EYA4: variants seen among roughly 807,000 people sequenced by gnomAD.
EYA4 encodes protein phosphatase EYA4.
In EYA4, 31 loss-of-function variants were observed where a neutral mutation model predicts 87.9. The ratio of observed to expected loss-of-function variants is 0.35; its 90% CI spans 0.27 to 0.48. The LOEUF (loss-of-function observed/expected upper bound fraction) is 0.48. EYA4 is among the 20% of genes least tolerant of loss of function. EYA4 has a pLI of 0.99. For missense variants in EYA4, 678 were observed against 761.4 expected (o/e 0.89, Z 1.29); for synonymous variants, 263 against 270.6 (o/e 0.97, Z 0.28).
At chr6:133,319,787 G>A (rs1780928851) in intron 2 of EYA4, among the ~76,000 whole-genome samples, 2 of 150,776 alleles carry the variant, frequency 1.3e-5, no homozygotes, top group Admixed American at 6.6e-5. Flanking sequence ...TACAATCAGA[G>A]CTCACTGCAG....
intron 1 of EYA4, among the ~76,000 whole-genome samples, chr6:133,250,425 T>C (rs940915034): frequency 5.3e-5 from 8 of 152,084 alleles, no homozygotes; most frequent in Non-Finnish European, 1.2e-4. Flanking sequence ...ATGGATCACC[T>C]GAAGTCAGGA....
At chr6:133,500,225 C>T (rs1016519699) in intron 13 of EYA4, among the ~76,000 whole-genome samples, 8 of 151,784 alleles carry the variant, frequency 5.3e-5, no homozygotes, top group African/African-American at 1.7e-4. Flanking sequence ...TCAGATAATC[C>T]GATTTAGTTG....
At position 133,293,906 on chromosome 6, in the gene EYA4, C is replaced by T. The variant is rs185153980; in HGVS notation, c.33+19093C>T. On this transcript the variant is annotated intron_variant, in intron 2 of 19. Coordinates refer to ENST00000355286, the MANE Select transcript of EYA4 (RefSeq NM_004100.5). ...AGTGGAGGCTGTGGTGAGTTGTGAT[C>T]AAGCCACTGCACTCCATCCTCGGAG... Among the ~76,000 whole-genome samples, 20 of 150,582 alleles carry T rather than the reference C, an allele frequency of 1.3e-4. No homozygotes were observed. The East Asian group carries it at 3.7e-3, about 28-fold the overall frequency.
chr6:133,271,893 A>C (rs1196952201), intron 1 of EYA4, among the ~76,000 whole-genome samples: 2 of 152,352 alleles, frequency 1.3e-5, no homozygotes, highest in Admixed American at 6.5e-5. Context: ...ACTCATATGG[A>C]ATACAAATAC....
intron 2 of EYA4, among the ~76,000 whole-genome samples, chr6:133,287,197 A>G (rs978757250): frequency 2.0e-5 from 3 of 152,246 alleles, no homozygotes; most frequent in Non-Finnish European, 4.4e-5. Flanking sequence ...TGCAATGAAA[A>G]GCCAAAGACA....
chr6:133,523,698 C>A (rs1800385169), intron 18 of EYA4, among the ~76,000 whole-genome samples: 1 of 152,070 alleles, frequency 6.6e-6, no homozygotes, highest in Non-Finnish European at 1.5e-5. Context: ...ATCAAAGAAC[C>A]ACAACCTTGT....
chr6:133,531,095 C>A lies in EYA4; in HGVS notation c.*2290C>A. ...CAAACAAGCAAGGCTTTTTATGCTG[C>A]TAAGTCTGTGGGTGCAGAAAGAAAC... On this transcript the variant is annotated 3_prime_UTR_variant, in exon 20 of 20. Coordinates refer to ENST00000355286, the MANE Select transcript of EYA4 (RefSeq NM_004100.5). The A allele has an allele frequency of 6.8e-7, 1 of 1,460,194 alleles. No homozygotes were observed. The allele number at this position is 1,460,194 out of a possible 1,614,324, so 90.5% of individuals were successfully genotyped here. A position where few individuals can be genotyped will look rare whatever the true frequency, so the allele number is the denominator to read the frequency against.
At chr6:133,516,526 C>A (rs1318417441) in intron 17 of EYA4, among the ~76,000 whole-genome samples, 5 of 149,018 alleles carry the variant, frequency 3.4e-5, no homozygotes, top group African/African-American at 2.5e-5. Flanking sequence ...CCCTAGCCAA[C>A]ATGGTGAAAC....
At chr6:133,323,074 G>A (rs993547251) in intron 2 of EYA4, among the ~76,000 whole-genome samples, 8 of 43,508 alleles carry the variant, frequency 1.8e-4, no homozygotes, top group South Asian at 5.9e-4. Context: ...TATAAAATCC[G>A]TGTGTGTGTG....
intron 1 of EYA4, among the ~76,000 whole-genome samples, chr6:133,264,479 T>C (rs572457438): frequency 6.6e-6 from 1 of 152,330 alleles, no homozygotes; most frequent in Non-Finnish European, 1.5e-5. Flanking sequence ...TACGTGGCTG[T>C]TGCTCCTGCC....
chr6:133,458,406 T>C (rs1794090747), intron 6 of EYA4, among the ~76,000 whole-genome samples: 1 of 152,060 alleles, frequency 6.6e-6, no homozygotes, highest in South Asian at 2.1e-4. Flanking sequence ...ACATTTCAAG[T>C]GTTTAACAGC....
intron 13 of EYA4, among the ~76,000 whole-genome samples, chr6:133,493,399 A>C (rs1023875154): frequency 1.3e-5 from 2 of 152,242 alleles, no homozygotes; most frequent in African/African-American, 4.8e-5. Context: ...CACGTGAAGA[A>C]GAACGAAACT....
intron 13 of EYA4, among the ~76,000 whole-genome samples, chr6:133,486,723 T>C (rs890621731): frequency 4.6e-5 from 7 of 152,076 alleles, no homozygotes; most frequent in Non-Finnish European, 1.0e-4. Context: ...ATTCCAGCAG[T>C]GGGTGCTGAT....
At chr6:133,495,732 A>G (rs1268117088) in intron 13 of EYA4, among the ~76,000 whole-genome samples, 1 of 152,186 alleles carries the variant, frequency 6.6e-6, no homozygotes, top group Non-Finnish European at 1.5e-5. Flanking sequence ...GTGTGTCACA[A>G]TAACCTGCAG....
At chr6:133,382,475 G>T in intron 3 of EYA4, 34 bp downstream of exon 3, 1 of 1,442,252 alleles carries the variant, frequency 6.9e-7, no homozygotes, top group Non-Finnish European at 9.8e-7. Flanking sequence ...CTCCCCTAAG[G>T]AGAATTGCAG....
rs142020137 is a variant in EYA4, at chr6:133,273,097, G to GTGTATATATATATATA, written c.-65-1618_-65-1617insGTATATATATATATAT. 2.0e-4 allele frequency among the ~76,000 whole-genome samples: 21 copies of GTGTATATATATATATA among 106,638 alleles called. 1 individual carries two copies. Among genetic ancestry groups the GTGTATATATATATATA allele is most frequent in the South Asian group, 1.1e-3 (3 of 2,660 alleles). The allele number at this position is 106,638 out of a possible 152,430, so 70.0% of individuals were successfully genotyped here. ...CAGAACTAATAGGAGATATATATAT[G>GTGTATATATATATATA]TATATATATATATATATATAAAGGG... On this transcript the variant is annotated intron_variant, in intron 1 of 19. Coordinates refer to ENST00000355286, the MANE Select transcript of EYA4 (RefSeq NM_004100.5).
chr6:133,313,646 C>T (rs1353157542), intron 2 of EYA4, among the ~76,000 whole-genome samples: 1 of 152,060 alleles, frequency 6.6e-6, no homozygotes, highest in Non-Finnish European at 1.5e-5. Flanking sequence ...ATATGCTAAC[C>T]AAGATTCAGC....
intron 17 of EYA4, among the ~76,000 whole-genome samples, chr6:133,518,211 GATTAC>G (rs1292529684): frequency 6.6e-6 from 1 of 151,646 alleles, no homozygotes; most frequent in African/African-American, 2.4e-5. Flanking sequence ...TAAAAAAGAT[GATTAC>G]ATTATTAGAT....
At chr6:133,299,211 G>C (rs925623310) in intron 2 of EYA4, among the ~76,000 whole-genome samples, 1 of 152,154 alleles carries the variant, frequency 6.6e-6, no homozygotes, top group African/African-American at 2.4e-5. Context: ...GATGAACCAC[G>C]TGTGTGCAAT....
Sources: gnomAD v4.1 joint callset for allele counts (sites outside exome capture counted in the v4.1 genomes callset) on GRCh38, gnomAD v4.1.1 for gene constraint, MANE v1.5 for transcripts, NCBI Gene and HGNC (gene_info 2026-07-23, HGNC 2026-07-21) for gene names.